The following KCNH1 variants were observed in gnomAD, a reference collection of about 807,000 sequenced individuals.
The protein encoded by KCNH1 is voltage-gated delayed rectifier potassium channel KCNH1.
In KCNH1, 27 loss-of-function variants were observed where a neutral mutation model predicts 69.2. The observed-to-expected ratio is 0.39, with a 90% CI of 0.29 to 0.54. The LOEUF is 0.54. Ranked by LOEUF, KCNH1 falls within the 20% of genes least tolerant of loss-of-function variation. The probability of loss-of-function intolerance (pLI) is 0.68; values close to 1 mark genes in which losing one functional copy is unlikely to be tolerated. For synonymous variants in KCNH1, 456 were observed against 487.7 expected, an observed-to-expected ratio of 0.93 and a Z score of 0.86; for missense variants, 798 against 1,261.6, an observed-to-expected ratio of 0.63 and a Z score of 5.57.
intron 6 of KCNH1, among the ~76,000 whole-genome samples, chr1:211,011,268 G>A (rs975422004): frequency 6.6e-5 from 10 of 152,106 alleles, no homozygotes; most frequent in Non-Finnish European, 1.3e-4. Context: ...GAGAATGATG[G>A]TTTCCAGCTT....
At chr1:210,895,777 C>T (rs1048446368) in intron 7 of KCNH1, among the ~76,000 whole-genome samples, 1 of 152,060 alleles carries the variant, frequency 6.6e-6, no homozygotes, top group Admixed American at 6.6e-5. Flanking sequence ...TACTCTTGGA[C>T]GTGGCTACCA....
chr1:211,002,294 A>G (rs927698721), intron 6 of KCNH1, among the ~76,000 whole-genome samples: 1 of 146,340 alleles, frequency 6.8e-6, no homozygotes, highest in African/African-American at 2.5e-5. Context: ...GTATACATGT[A>G]TATATGTATA....
At chr1:210,734,462 A>G (rs1023594075) in intron 10 of KCNH1, among the ~76,000 whole-genome samples, 1 of 152,286 alleles carries the variant, frequency 6.6e-6, no homozygotes, top group Middle Eastern at 3.4e-3. Context: ...AAAAACAGCA[A>G]CATTTCTTTC....
intron 7 of KCNH1, among the ~76,000 whole-genome samples, chr1:210,865,587 G>A (rs1017422250): frequency 9.2e-5 from 14 of 152,142 alleles, no homozygotes; most frequent in Admixed American, 2.0e-4. Flanking sequence ...CTGAAGCTAC[G>A]CTTTGTAACT....
chr1:210,865,960 T>C (rs1420060570), intron 7 of KCNH1, among the ~76,000 whole-genome samples: 1 of 152,126 alleles, frequency 6.6e-6, no homozygotes, highest in Non-Finnish European at 1.5e-5. Context: ...AAAAGTATGT[T>C]ATAGATCAGC....
intron 10 of KCNH1, among the ~76,000 whole-genome samples, chr1:210,769,620 C>T (rs1349720771): frequency 6.6e-6 from 1 of 152,204 alleles, no homozygotes; most frequent in Non-Finnish European, 1.5e-5. Context: ...GAACCGCCCT[C>T]CCAATTACCT....
chr1:210,787,160 CTTT>C (rs56068839), intron 9 of KCNH1, among the ~76,000 whole-genome samples: 13 of 147,192 alleles, frequency 8.8e-5, no homozygotes, highest in African/African-American at 3.0e-4. Flanking sequence ...TTTGGAACTA[CTTT>C]TTTTTTTTTT....
At chr1:210,685,494 G>A (rs1239530056) in intron 10 of KCNH1, among the ~76,000 whole-genome samples, 1 of 152,194 alleles carries the variant, frequency 6.6e-6, no homozygotes, top group Non-Finnish European at 1.5e-5. Flanking sequence ...CCAGGAGCAG[G>A]GGTTTGGGGT....
intron 6 of KCNH1, among the ~76,000 whole-genome samples, chr1:210,971,035 G>A (rs1688502779): frequency 6.6e-6 from 1 of 152,120 alleles, no homozygotes; most frequent in Non-Finnish European, 1.5e-5. Context: ...CAATAAACAT[G>A]AAAGAAAGCT....
chr1:210,852,568 C>T (rs11581289), intron 7 of KCNH1, among the ~76,000 whole-genome samples: 7,285 of 152,194 alleles, frequency 0.048, 280 homozygotes, highest in Non-Finnish European at 0.075. Context: ...AGCCCCTTGT[C>T]CTTTGTGAAC....
chr1:210,916,004 G>T (rs1284956839), intron 7 of KCNH1, among the ~76,000 whole-genome samples: 1 of 152,070 alleles, frequency 6.6e-6, no homozygotes, highest in African/African-American at 2.4e-5. Flanking sequence ...GGAGTGCTAG[G>T]CCTGACTACC....
chr1:211,122,871 T>G (rs1347268740), intron 1 of KCNH1, among the ~76,000 whole-genome samples: 1 of 151,554 alleles, frequency 6.6e-6, no homozygotes, highest in Non-Finnish European at 1.5e-5. Flanking sequence ...GGTCGATAGG[T>G]GCAGCAAACC....
At chr1:210,933,687 A>T (rs1299333278) in intron 6 of KCNH1, among the ~76,000 whole-genome samples, 1 of 152,152 alleles carries the variant, frequency 6.6e-6, no homozygotes, top group East Asian at 1.9e-4. Context: ...ATAAAATCAG[A>T]AATGAAAAAG....
At chr1:210,716,667 C>T (rs1042814465) in intron 10 of KCNH1, among the ~76,000 whole-genome samples, 1 of 152,178 alleles carries the variant, frequency 6.6e-6, no homozygotes, top group Admixed American at 6.5e-5. Flanking sequence ...CTCCTGTGCT[C>T]ATCTTCAGTT....
intron 6 of KCNH1, among the ~76,000 whole-genome samples, chr1:210,936,151 C>T (rs1484499393): frequency 2.6e-5 from 4 of 152,214 alleles, no homozygotes; most frequent in African/African-American, 9.6e-5. Context: ...GAGACACAAT[C>T]GCATCCATAG....
At chr1:210,993,640 A>G (rs972336461) in intron 6 of KCNH1, among the ~76,000 whole-genome samples, 1 of 152,248 alleles carries the variant, frequency 6.6e-6, no homozygotes, top group East Asian at 1.9e-4. Flanking sequence ...AAAACCGTTT[A>G]TTATAGTTTC....
chr1:211,111,423 C>T lies in KCNH1; in HGVS notation c.80-4046G>A, dbSNP rs572142825. Among the ~76,000 whole-genome samples the T allele has an allele frequency of 3.3e-4, 50 of 150,254 alleles. 1 individual carries two copies. The highest frequency in any genetic ancestry group is 1.1e-3 in the Admixed American group (17 of 15,136). ...AAGTCAGGAGCGCTTCTGCCCGGCC[C>T]CCACCCTTTGCCACCGTCTGGGAAG... On this transcript the variant is annotated intron_variant, in intron 1 of 10. Transcript: ENST00000271751.
At chr1:211,065,403 G>T (rs1690511116) in intron 5 of KCNH1, among the ~76,000 whole-genome samples, 1 of 152,198 alleles carries the variant, frequency 6.6e-6, no homozygotes, top group African/African-American at 2.4e-5. Context: ...AATATTGCAT[G>T]ATCTCGCTTG....
intron 10 of KCNH1, among the ~76,000 whole-genome samples, chr1:210,692,856 C>T (rs934849251): frequency 2.6e-5 from 4 of 152,206 alleles, no homozygotes; most frequent in African/African-American, 9.6e-5. Context: ...AGACCTCTGG[C>T]CTCCAGAACT....
Sources: gnomAD v4.1 joint callset for allele counts (sites outside exome capture counted in the v4.1 genomes callset) on GRCh38, gnomAD v4.1.1 for gene constraint, MANE v1.5 for transcripts, NCBI Gene and HGNC (gene_info 2026-07-23, HGNC 2026-07-21) for gene names.